Variants in SPAG17 observed in about 807,000 individuals in gnomAD.
The protein encoded by SPAG17 is sperm-associated antigen 17.
A neutral mutation model predicts 273.6 loss-of-function variants in SPAG17; 169 were observed. The observed-to-expected ratio is 0.62, with a 90% confidence interval of 0.55 to 0.70. SPAG17 has a LOEUF of 0.70. SPAG17 is among the 30% of genes least tolerant of loss of function. The probability of loss-of-function intolerance (pLI) is 0.00; values close to 1 mark genes in which losing one functional copy is unlikely to be tolerated. For synonymous variants in SPAG17, 825 were observed against 873.2 expected (o/e 0.94, Z 0.97); for missense variants, 2,557 against 2,627.8 (o/e 0.97, Z 0.59).
chr1:118,113,808 G>C (rs918048641), intron 4 of SPAG17, among the ~76,000 whole-genome samples: 1 of 152,090 alleles, frequency 6.6e-6, no homozygotes, highest in Admixed American at 6.6e-5. Context: ...TCAAAGAAAT[G>C]CTGAGTAAAA....
At chr1:118,154,725 C>T (rs964675317) in intron 1 of SPAG17, among the ~76,000 whole-genome samples, 2 of 152,022 alleles carry the variant, frequency 1.3e-5, no homozygotes, top group African/African-American at 4.8e-5. Context: ...TTTAAGTTCA[C>T]AGGACAGAAA....
chr1:118,147,468 AAAT>A (rs1199457607), intron 3 of SPAG17, among the ~76,000 whole-genome samples: 12 of 151,808 alleles, frequency 7.9e-5, no homozygotes, highest in South Asian at 2.1e-4. Context: ...GAATATACAC[AAAT>A]AATAATATTC....
At chr1:118,181,971 C>T (rs1421574530) in intron 1 of SPAG17, among the ~76,000 whole-genome samples, 1 of 152,108 alleles carries the variant, frequency 6.6e-6, no homozygotes, top group Non-Finnish European at 1.5e-5. Flanking sequence ...ACAGAATTAT[C>T]ATATGATCCA....
At chr1:118,117,124 G>A (rs1657134425) in intron 3 of SPAG17, among the ~76,000 whole-genome samples, 1 of 152,198 alleles carries the variant, frequency 6.6e-6, no homozygotes, top group East Asian at 1.9e-4. Flanking sequence ...TGACAATCAG[G>A]CTCTGTGACA....
intron 3 of SPAG17, among the ~76,000 whole-genome samples, chr1:118,128,179 C>CACA (rs1326051763): frequency 6.6e-6 from 1 of 150,624 alleles, no homozygotes; most frequent in Non-Finnish European, 1.5e-5. Context: ...GCAGCTGTTG[C>CACA]AAATGGGATT....
At chr1:118,122,585 T>G (rs1283489489) in intron 3 of SPAG17, among the ~76,000 whole-genome samples, 1 of 152,196 alleles carries the variant, frequency 6.6e-6, no homozygotes, top group Non-Finnish European at 1.5e-5. Flanking sequence ...AGCGAATCCC[T>G]GTATTCCACC....
intron 25 of SPAG17, among the ~76,000 whole-genome samples, chr1:118,030,189 T>A (rs1490249072): frequency 6.6e-6 from 1 of 152,164 alleles, no homozygotes; most frequent in Non-Finnish European, 1.5e-5. Flanking sequence ...TGAGAAATTT[T>A]ATCTAGTATA....
At position 117,996,364 on chromosome 1, in the gene SPAG17, C is replaced by T; in HGVS notation, c.5053+6G>A. On this transcript the variant is annotated splice_donor_region_variant and intron_variant, in intron 34 of 48. Coordinates refer to ENST00000336338, the MANE Select transcript of SPAG17 (RefSeq NM_206996.4). ...CCGTGCATTCCAGACAGTATGGGTC[C>T]TCTACCTGGCTGTTCCTGCACTGGC... The T allele has an allele frequency of 6.2e-7, 1 of 1,610,010 alleles. No individual in the cohort carries two copies. Among genetic ancestry groups the T allele is most frequent in the Non-Finnish European group, 8.5e-7 (1 of 1,177,884 alleles).
At chr1:117,997,177 G>A (rs1023757249) in intron 32 of SPAG17, among the ~76,000 whole-genome samples, 35 of 152,042 alleles carry the variant, frequency 2.3e-4, no homozygotes, top group Non-Finnish European at 4.7e-4. Context: ...AGAATACATT[G>A]GGAAATAGAT....
At chr1:118,066,476 A>C (rs1281250373) in intron 18 of SPAG17, among the ~76,000 whole-genome samples, 1 of 152,198 alleles carries the variant, frequency 6.6e-6, no homozygotes, top group Non-Finnish European at 1.5e-5. Context: ...AAATGAATCA[A>C]ATGTAATTTA....
At chr1:117,979,430 A>G (rs1043859321) in intron 43 of SPAG17, among the ~76,000 whole-genome samples, 2 of 152,132 alleles carry the variant, frequency 1.3e-5, no homozygotes. Flanking sequence ...TATAGTTCCT[A>G]TTAATTTCCT....
intron 3 of SPAG17, among the ~76,000 whole-genome samples, chr1:118,117,279 C>A (rs530470739): frequency 1.3e-5 from 2 of 152,100 alleles, no homozygotes; most frequent in Non-Finnish European, 2.9e-5. Flanking sequence ...CTTTTCCTGA[C>A]GACCTGTGAA....
chr1:118,079,293 G>A (rs961047870), intron 15 of SPAG17, among the ~76,000 whole-genome samples: 2 of 151,856 alleles, frequency 1.3e-5, no homozygotes, highest in Admixed American at 6.6e-5. Flanking sequence ...GGTCATTATT[G>A]GTAAGTTATT....
intron 18 of SPAG17, among the ~76,000 whole-genome samples, chr1:118,056,919 C>T (rs772218249): frequency 3.9e-5 from 6 of 152,036 alleles, no homozygotes; most frequent in Non-Finnish European, 7.4e-5. Flanking sequence ...TCTACAGTTC[C>T]AGTTAAACAG....
intron 32 of SPAG17, 129 bp from the exon 33 acceptor site, chr1:117,996,872 G>C: frequency 7.4e-6 from 7 of 940,370 alleles, no homozygotes; most frequent in Non-Finnish European, 1.1e-5. Flanking sequence ...TTATTTGCAA[G>C]GTATTGTTTA....
intron 43 of SPAG17, 65 bp downstream of exon 43, chr1:117,981,205 C>A: frequency 6.7e-7 from 1 of 1,484,364 alleles, no homozygotes; most frequent in Non-Finnish European, 8.9e-7. Context: ...AGCGCCATCT[C>A]CCATATGCCA....
rs5777337 is a variant in SPAG17, at chr1:118,136,801, A to ATGTGTGTGTGTGTGTG, written c.315+13726_315+13741dup. ...AAAGGGGTAAAGTGTGTGTGTGTGT[A>ATGTGTGTGTGTGTGTG]TGTGTGTGTGTGTGTGTGTGTGTGT... On this transcript the variant is annotated intron_variant, in intron 3 of 48. Coordinates refer to ENST00000336338, the MANE Select transcript of SPAG17 (RefSeq NM_206996.4). 1.0e-3 allele frequency among the ~76,000 whole-genome samples: 151 copies of ATGTGTGTGTGTGTGTG among 147,254 alleles called. 1 individual carries two copies. The highest frequency in any genetic ancestry group is 3.4e-3 in the Middle Eastern group (1 of 292).
At chr1:118,033,239 A>G (rs1648690112) in intron 24 of SPAG17, among the ~76,000 whole-genome samples, 2 of 152,230 alleles carry the variant, frequency 1.3e-5, no homozygotes, top group Middle Eastern at 6.8e-3. Flanking sequence ...TTTTTAAGGC[A>G]TCTCCTGGTT....
chr1:118,096,166 G>A (rs910233046), intron 7 of SPAG17, among the ~76,000 whole-genome samples: 2 of 152,094 alleles, frequency 1.3e-5, no homozygotes, highest in African/African-American at 4.8e-5. Flanking sequence ...TTCAAGTCCT[G>A]TCCATCCTTC....
Sources: allele counts gnomAD v4.1 joint callset (sites outside exome capture counted in the v4.1 genomes callset), GRCh38; gene constraint gnomAD v4.1.1; transcripts MANE v1.5; gene names NCBI Gene and HGNC (gene_info 2026-07-23, HGNC 2026-07-21).